The following DENND2A variants were observed in gnomAD, a reference collection of about 807,000 sequenced individuals.
DENND2A encodes the protein DENN domain containing 2A, also known as DENN domain-containing protein 2A.
A neutral mutation model predicts 105.3 loss-of-function variants in DENND2A; 53 were observed. The ratio of observed to expected loss-of-function variants is 0.50; its 90% confidence interval spans 0.40 to 0.63. The LOEUF (loss-of-function observed/expected upper bound fraction) is 0.63, where lower values mean the gene tolerates loss of function less well. Ranked by LOEUF, DENND2A falls within the 30% of genes least tolerant of loss-of-function variation. The pLI is 0.00. For missense variants in DENND2A, 1,138 were observed against 1,279.6 expected (o/e 0.89, Z 1.69); for synonymous variants, 522 against 508.4 (o/e 1.03, Z -0.36).
At chr7:140,615,582 G>T (rs1467658105) in intron 1 of DENND2A, among the ~76,000 whole-genome samples, 1 of 150,298 alleles carries the variant, frequency 6.7e-6, no homozygotes, top group Non-Finnish European at 1.5e-5. Context: ...CTGTCGCCCA[G>T]GCCAGAGTGC....
chr7:140,574,122 T>C (rs758570769), intron 5 of DENND2A, 114 bp from the exon 6 acceptor site: 10 of 1,225,372 alleles, frequency 8.2e-6, no homozygotes, highest in Non-Finnish European at 1.2e-5. Context: ...CTGGTCTATG[T>C]TCCCAGGTTA....
In DENND2A at chr7:140,518,466, A is replaced by C; in HGVS notation, c.*241T>G. ...CTAAGATAAAAAAAAAAACCCAACC[A>C]CCAAAACAACCCATTTGCATGTCGG... On this transcript the variant is annotated 3_prime_UTR_variant, in exon 20 of 20. Transcript: ENST00000496613. 2.3e-6 allele frequency: 1 copy of C among 439,254 alleles called. No homozygotes were observed. Among genetic ancestry groups the C allele is most frequent in the Non-Finnish European group, 4.0e-6 (1 of 248,858 alleles). 27.2% of individuals were successfully genotyped at this position (439,254 alleles called of 1,614,324 possible).
intron 5 of DENND2A, among the ~76,000 whole-genome samples, chr7:140,576,532 A>G (rs1798305781): frequency 6.6e-6 from 1 of 152,180 alleles, no homozygotes; most frequent in Admixed American, 6.6e-5. Context: ...GGCCACATTT[A>G]TCCTATCTTA....
intron 5 of DENND2A, among the ~76,000 whole-genome samples, chr7:140,579,833 T>C (rs1429347180): frequency 6.6e-6 from 1 of 152,058 alleles, no homozygotes; most frequent in Admixed American, 6.6e-5. Context: ...AATACACATA[T>C]ACAAGATGTC....
At chr7:140,635,507 C>T (rs942789164) in intron 1 of DENND2A, among the ~76,000 whole-genome samples, 5 of 152,094 alleles carry the variant, frequency 3.3e-5, no homozygotes, top group African/African-American at 7.2e-5. Context: ...GCCAAGGTTG[C>T]GGCTCCCTGT....
At chr7:140,565,803 C>G (rs776850229) in intron 9 of DENND2A, among the ~76,000 whole-genome samples, 5 of 152,084 alleles carry the variant, frequency 3.3e-5, no homozygotes, top group Non-Finnish European at 7.4e-5. Context: ...AAAGACCTTG[C>G]TGATAAAACA....
chr7:140,522,118 A>G lies in DENND2A; in HGVS notation c.2666-18T>C. 6.2e-7 allele frequency: 1 copy of G among 1,613,576 alleles called. No individual in the cohort carries two copies. The highest frequency in any genetic ancestry group is 8.5e-7 in the Non-Finnish European group (1 of 1,179,644). Reference sequence around the variant, plus strand: ...CTCTGGACCTGAGTAAGGGGAGGAAAGGCCAGGAACGGTGAGGGCAGACAG... The same window carrying G: ...CTCTGGACCTGAGTAAGGGGAGGAAGGGCCAGGAACGGTGAGGGCAGACAG... On this transcript the variant is annotated intron_variant, in intron 17 of 19. Transcript: ENST00000496613.
At chr7:140,561,498 C>CTTTT (rs536896244) in intron 9 of DENND2A, among the ~76,000 whole-genome samples, 9 of 102,516 alleles carry the variant, frequency 8.8e-5, no homozygotes, top group Admixed American at 1.1e-4. Flanking sequence ...TTTCTGTTGT[C>CTTTT]TTTTTTTTTT....
intron 17 of DENND2A, among the ~76,000 whole-genome samples, chr7:140,522,808 A>G (rs1795910425): frequency 6.6e-6 from 1 of 151,232 alleles, no homozygotes. Flanking sequence ...TGTTTTCACC[A>G]TATTGGCCAG....
intron 14 of DENND2A, among the ~76,000 whole-genome samples, chr7:140,532,373 T>C (rs1329092027): frequency 2.0e-5 from 3 of 152,210 alleles, no homozygotes; most frequent in African/African-American, 7.2e-5. Context: ...AAATGTGACT[T>C]GGAAACGAAG....
chr7:140,550,342 A>G (rs993777599), intron 12 of DENND2A, among the ~76,000 whole-genome samples: 16 of 149,632 alleles, frequency 1.1e-4, no homozygotes, highest in African/African-American at 3.0e-4. Context: ...ACGGACGCCC[A>G]CCACCACACT....
At chr7:140,603,556 A>G (rs1281442577) in intron 2 of DENND2A, among the ~76,000 whole-genome samples, 1 of 152,254 alleles carries the variant, frequency 6.6e-6, no homozygotes, top group East Asian at 1.9e-4. Context: ...CCTTGCCACC[A>G]GGGCAGGGAT....
chr7:140,594,466 C>G (rs777524537), intron 3 of DENND2A, among the ~76,000 whole-genome samples: 1 of 152,128 alleles, frequency 6.6e-6, no homozygotes. Context: ...CCCGCTGGCC[C>G]GAGCGTCACT....
intron 12 of DENND2A, among the ~76,000 whole-genome samples, chr7:140,554,563 G>A (rs1006546642): frequency 2.6e-5 from 4 of 152,112 alleles, no homozygotes; most frequent in Non-Finnish European, 4.4e-5. Context: ...TTGAACCCGG[G>A]AGGTGTAAGT....
chr7:140,632,709 C>T (rs1010294572), intron 1 of DENND2A, among the ~76,000 whole-genome samples: 24 of 130,872 alleles, frequency 1.8e-4, no homozygotes, highest in Admixed American at 1.1e-3. Flanking sequence ...GCTGGGACTA[C>T]AGGCGCCTGC....
In DENND2A at chr7:140,601,429, C is replaced by T. The variant is rs367947493; in HGVS notation, c.969G>A (p.Gly323=). The T allele has an allele frequency of 1.4e-5, 23 of 1,606,550 alleles. 1 individual carries two copies. The highest frequency in any genetic ancestry group is 2.0e-5 in the Non-Finnish European group (23 of 1,176,742). ...PSSVNRRLWT[G]RQKSSADHRK... is the part of the protein sequence containing the mutation. ...TGTGGTCTGCACTGGATTTCTGTCT[C>T]CCGGTCCACAGTCTTCTGTTCACAG... The change falls in exon 3 of 20, where the codon GGG becomes GGA. Residue 323 remains glycine, a synonymous_variant. Transcript: ENST00000496613.
intron 1 of DENND2A, among the ~76,000 whole-genome samples, chr7:140,630,387 G>A (rs772961244): frequency 6.6e-6 from 1 of 152,090 alleles, no homozygotes; most frequent in Non-Finnish European, 1.5e-5. Flanking sequence ...CAGAACACGC[G>A]CACTGGCTTC....
intron 11 of DENND2A, among the ~76,000 whole-genome samples, chr7:140,556,609 G>A (rs905665784): frequency 6.6e-6 from 1 of 152,218 alleles, no homozygotes; most frequent in Non-Finnish European, 1.5e-5. Context: ...CAAAGTGCTA[G>A]GATTACTGGT....
intron 5 of DENND2A, among the ~76,000 whole-genome samples, chr7:140,582,661 C>T (rs1798591676): frequency 6.6e-6 from 1 of 152,190 alleles, no homozygotes; most frequent in South Asian, 2.1e-4. Flanking sequence ...TGGTGGCAGG[C>T]AGCATCCCTT....
Sources: allele counts gnomAD v4.1 joint callset (sites outside exome capture counted in the v4.1 genomes callset), GRCh38; gene constraint gnomAD v4.1.1; transcripts MANE v1.5; gene names NCBI Gene and HGNC (gene_info 2026-07-23, HGNC 2026-07-21).